The following PCDH15 variants were observed in gnomAD, a reference collection of about 807,000 sequenced individuals.
PCDH15 encodes protocadherin-15.
Under a neutral mutation model 178.5 loss-of-function variants are expected in PCDH15, and 129 were observed. The ratio of observed to expected loss-of-function variants is 0.72; its 90% CI spans 0.63 to 0.84. PCDH15 has a LOEUF of 0.84. Among genes scored for constraint, PCDH15 ranks in the 40% least tolerant of loss-of-function variants. The pLI, the probability that PCDH15 is intolerant of heterozygous loss-of-function variation, is 0.00. For synonymous variants in PCDH15, 800 were observed against 732.0 expected, an observed-to-expected ratio of 1.09 and a Z score of -1.50; for missense variants, 2,230 against 2,099.9, an observed-to-expected ratio of 1.06 and a Z score of -1.21.
intron 31 of PCDH15, among the ~76,000 whole-genome samples, chr10:53,828,207 C>CAAAAAAAAAAAAAAAAAAAAAA (rs71004480): frequency 1.1e-4 from 6 of 53,752 alleles, no homozygotes; most frequent in African/African-American, 2.9e-4. Flanking sequence ...AAGTCCGTCT[C>CAAAAAAAAAAAAAAAAAAAAAA]AAAAAAAAAA....
chr10:53,889,965 G>A (rs754012698), intron 26 of PCDH15, among the ~76,000 whole-genome samples: 13 of 152,156 alleles, frequency 8.5e-5, no homozygotes, highest in Non-Finnish European at 1.6e-4. Context: ...TTATTCTTAC[G>A]GGGATGTGGA....
intron 2 of PCDH15, among the ~76,000 whole-genome samples, chr10:55,426,667 C>T (rs1049240062): frequency 1.3e-5 from 2 of 152,076 alleles, no homozygotes; most frequent in Admixed American, 6.6e-5. Flanking sequence ...GACAGTCTTT[C>T]GCTTGGTGGT....
intron 1 of PCDH15, among the ~76,000 whole-genome samples, chr10:54,738,991 A>G (rs1397151774): frequency 2.0e-5 from 3 of 152,032 alleles, no homozygotes; most frequent in South Asian, 4.1e-4. Flanking sequence ...CCTTTCCTCT[A>G]AGGTCTGTAA....
At chr10:54,338,091 T>C (rs1941541733) in intron 6 of PCDH15, among the ~76,000 whole-genome samples, 2 of 152,346 alleles carry the variant, frequency 1.3e-5, no homozygotes, top group East Asian at 1.9e-4. Context: ...GCAGTTCAAC[T>C]TATCTTATTC....
At chr10:54,344,849 A>G (rs983065901) in intron 6 of PCDH15, among the ~76,000 whole-genome samples, 1 of 132,214 alleles carries the variant, frequency 7.6e-6, no homozygotes, top group African/African-American at 2.9e-5. Flanking sequence ...CATATCCCCA[A>G]CTCTTGGTTT....
chr10:53,932,207 G>T (rs2085122269), intron 25 of PCDH15, among the ~76,000 whole-genome samples: 1 of 152,162 alleles, frequency 6.6e-6, no homozygotes. Context: ...TCTATGTCCA[G>T]TTTTTGCCTT....
intron 25 of PCDH15, among the ~76,000 whole-genome samples, chr10:53,908,289 T>C (rs1237107717): frequency 6.6e-6 from 1 of 152,154 alleles, no homozygotes; most frequent in African/African-American, 2.4e-5. Context: ...CAAAATGCCA[T>C]TAGTGATGAG....
At chr10:55,167,496 T>C (rs1229632778) in intron 1 of PCDH15, among the ~76,000 whole-genome samples, 1 of 152,190 alleles carries the variant, frequency 6.6e-6, no homozygotes, top group Non-Finnish European at 1.5e-5. Context: ...GGGGCACAGC[T>C]TTTGTATTTA....
chr10:54,364,314 A>C (rs1434508097), intron 5 of PCDH15, among the ~76,000 whole-genome samples: 2 of 152,070 alleles, frequency 1.3e-5, no homozygotes, highest in Non-Finnish European at 2.9e-5. Flanking sequence ...TCTATATATA[A>C]TAATGCCATT....
chr10:55,587,202 A>G (rs1181578786), intron 2 of PCDH15, among the ~76,000 whole-genome samples: 1 of 152,170 alleles, frequency 6.6e-6, no homozygotes, highest in African/African-American at 2.4e-5. Context: ...TATATATTCA[A>G]GATAAACATT....
chr10:55,253,229 CGTGT>C (rs879700043), intron 1 of PCDH15, among the ~76,000 whole-genome samples: 26 of 125,552 alleles, frequency 2.1e-4, no homozygotes, highest in South Asian at 5.8e-4. Context: ...AGAGTATGTG[CGTGT>C]GTGTGTGTGT....
At chr10:55,077,580 C>T (rs1168908609) in intron 2 of PCDH15, among the ~76,000 whole-genome samples, 1 of 151,284 alleles carries the variant, frequency 6.6e-6, no homozygotes, top group Non-Finnish European at 1.5e-5. Context: ...GATGGAATCT[C>T]ATTCTGTCAC....
At chr10:54,073,078 C>T (rs920916481) in intron 17 of PCDH15, among the ~76,000 whole-genome samples, 29 of 151,456 alleles carry the variant, frequency 1.9e-4, no homozygotes, top group African/African-American at 6.3e-4. Flanking sequence ...AATAAAGAAG[C>T]TTTTTTTTCT....
chr10:55,327,254 A>G (rs1844056210), intron 2 of PCDH15, among the ~76,000 whole-genome samples: 1 of 152,082 alleles, frequency 6.6e-6, no homozygotes, highest in Non-Finnish European at 1.5e-5. Context: ...CCAGACACCA[A>G]TTCTGCTGGT....
chr10:55,357,363 C>T (rs1028220019), intron 2 of PCDH15, among the ~76,000 whole-genome samples: 1 of 151,642 alleles, frequency 6.6e-6, no homozygotes, highest in African/African-American at 2.4e-5. Flanking sequence ...TGTGTGTTTC[C>T]CTGCACTTTT....
intron 2 of PCDH15, among the ~76,000 whole-genome samples, chr10:55,061,924 G>T (rs1385976657): frequency 6.6e-6 from 1 of 152,172 alleles, no homozygotes; most frequent in Non-Finnish European, 1.5e-5. Context: ...GGAGGCTGAG[G>T]CAAGAGAATC....
At chr10:55,299,464 T>C (rs988647632) in intron 1 of PCDH15, among the ~76,000 whole-genome samples, 1 of 152,224 alleles carries the variant, frequency 6.6e-6, no homozygotes. Context: ...ATGTCTTTCA[T>C]GTACAGCAGT....
intron 2 of PCDH15, among the ~76,000 whole-genome samples, chr10:55,560,209 G>C (rs1355338722): frequency 6.6e-6 from 1 of 151,858 alleles, no homozygotes; most frequent in Non-Finnish European, 1.5e-5. Flanking sequence ...CCCTCAGCCA[G>C]TAGAGGACAT....
At chr10:55,615,044 AT>A (rs1337700470) in intron 2 of PCDH15, among the ~76,000 whole-genome samples, 5 of 152,180 alleles carry the variant, frequency 3.3e-5, no homozygotes, top group Non-Finnish European at 7.4e-5. Context: ...ATATTGGGTT[AT>A]TTGGAAAATT....
Sources: gnomAD v4.1 joint callset for allele counts (sites outside exome capture counted in the v4.1 genomes callset) on GRCh38, gnomAD v4.1.1 for gene constraint, MANE v1.5 for transcripts, NCBI Gene and HGNC (gene_info 2026-07-23, HGNC 2026-07-21) for gene names.